The following PDILT variants were observed in gnomAD, a reference collection of about 807,000 sequenced individuals.
PDILT encodes the protein protein disulfide-isomerase-like protein of the testis.
PDILT carries 43 observed loss-of-function variants against 53.7 expected under a neutral mutation model. That is an observed-to-expected ratio of 0.80 (90% CI 0.63 to 1.03). The LOEUF (loss-of-function observed/expected upper bound fraction) is 1.03. PDILT is among the 50% of genes least tolerant of loss of function. PDILT has a pLI of 0.00. For missense variants in PDILT, 727 were observed against 712.3 expected, an observed-to-expected ratio of 1.02 and a Z score of -0.24; for synonymous variants, 282 against 274.2, an observed-to-expected ratio of 1.03 and a Z score of -0.28.
chr16:20,373,244 G>A lies in PDILT; in HGVS notation c.682-122C>T. ...AAAGCACTGAGGAATGGTATCAGGT[G>A]TAGTCTGTAATCTAGGTAGTTAATA... On this transcript the variant is annotated intron_variant, in intron 5 of 11. Transcript: ENST00000302451. 5 of 810,820 alleles carry A rather than the reference G, an allele frequency of 6.2e-6. 1 individual carries two copies. The highest frequency in any genetic ancestry group is 5.1e-5 in the South Asian group (3 of 58,784). 50.2% of individuals were successfully genotyped at this position (810,820 alleles called of 1,614,324 possible). A position where few individuals can be genotyped will look rare whatever the true frequency, so the allele number is the denominator to read the frequency against.
rs116282732 is a variant in PDILT, at chr16:20,363,905, C to T, written c.1238-1323G>A. On this transcript the variant is annotated intron_variant, in intron 9 of 11. Transcript: ENST00000302451. ...AGACCAGCTCCAACCCAAGGGAAAG[C>T]AAATCTTTCCTGCTTTCCTTCTACT... is the stretch of plus-strand genomic sequence containing the variant. 3.9e-3 allele frequency among the ~76,000 whole-genome samples: 593 copies of T among 152,254 alleles called. 6 individuals carry two copies. The highest frequency in any genetic ancestry group is 0.014 in the African/African-American group (567 of 41,536).
chr16:20,367,087 CTTTCTTTCTTTCTTT>C lies in PDILT; in HGVS notation c.1117-1562_1117-1548del, dbSNP rs1567320945. ...TCTTTCTTTCTTTCTTTCTTTCTTT[CTTTCTTTCTTTCTTT>C]CTTCCTTTCTTTCCTTTTGAGACAG... On this transcript the variant is annotated intron_variant, in intron 8 of 11. Coordinates refer to ENST00000302451, the MANE Select transcript of PDILT (RefSeq NM_174924.2). Among the ~76,000 whole-genome samples the C allele has an allele frequency of 4.1e-3, 420 of 103,432 alleles. 13 individuals carry two copies. The highest frequency in any genetic ancestry group is 0.014 in the African/African-American group (323 of 23,754). The allele number at this position is 103,432 out of a possible 152,430, so 67.9% of individuals were successfully genotyped here. A position where few individuals can be genotyped will look rare whatever the true frequency, so the allele number is the denominator to read the frequency against.
intron 4 of PDILT, among the ~76,000 whole-genome samples, chr16:20,375,650 G>C (rs909680335): frequency 6.6e-6 from 1 of 152,134 alleles, no homozygotes; most frequent in Non-Finnish European, 1.5e-5. Flanking sequence ...CTAAGGGTTG[G>C]TGTATTTTCG....
intron 7 of PDILT, among the ~76,000 whole-genome samples, chr16:20,371,664 C>A (rs1445922723): frequency 1.3e-5 from 2 of 152,046 alleles, no homozygotes; most frequent in Non-Finnish European, 2.9e-5. Flanking sequence ...AAACTTAGAA[C>A]TTCATCTTCT....
rs765339152 is a variant in PDILT at position 20,374,839 on chromosome 16, C to G, written c.664G>C (p.Val222Leu). 1 of 1,613,424 alleles carries G rather than the reference C, an allele frequency of 6.2e-7. No individual in the cohort carries two copies. The highest frequency in any genetic ancestry group is 1.3e-5 in the African/African-American group (1 of 74,888). Reference sequence around the variant, plus strand: ...AATCCTACCTTTTTGAACACCAGGACGCTGTCAAGGGTGACGTGGAAACGC... The same window carrying G: ...AATCCTACCTTTTTGAACACCAGGAGGCTGTCAAGGGTGACGTGGAAACGC... ...IGRFHVTLDSVLVFKKGKIVN... is the reference protein window; with the variant it reads ...IGRFHVTLDSLLVFKKGKIVN... The change falls in exon 5 of 12, where the codon GTC (valine) becomes CTC (leucine). Residue 222 changes from valine to leucine, a missense_variant. Transcript: ENST00000302451.
chr16:20,372,084 G>C (rs1187736370), intron 7 of PDILT, among the ~76,000 whole-genome samples: 1 of 152,004 alleles, frequency 6.6e-6, no homozygotes, highest in Non-Finnish European at 1.5e-5. Flanking sequence ...TAATCAACTA[G>C]CTTCCATAGT....
chr16:20,395,171 G>A (rs563877460), intron 2 of PDILT, among the ~76,000 whole-genome samples: 1 of 152,252 alleles, frequency 6.6e-6, no homozygotes, highest in South Asian at 2.1e-4. Flanking sequence ...GGCAAATACT[G>A]AGAATCAGCC....
At chr16:20,369,161 A>G (rs1966263400) in intron 8 of PDILT, among the ~76,000 whole-genome samples, 1 of 152,224 alleles carries the variant, frequency 6.6e-6, no homozygotes, top group Non-Finnish European at 1.5e-5. Flanking sequence ...GACCAAGTAG[A>G]TCTTTCACAT....
At chr16:20,384,032 T>C (rs1044548375) in intron 3 of PDILT, among the ~76,000 whole-genome samples, 1 of 152,226 alleles carries the variant, frequency 6.6e-6, no homozygotes, top group African/African-American at 2.4e-5. Context: ...AGGTGTTTGG[T>C]AGACATTGCA....
chr16:20,387,539 AC>A (rs1171806876), intron 2 of PDILT, among the ~76,000 whole-genome samples: 1 of 152,144 alleles, frequency 6.6e-6, no homozygotes, highest in Non-Finnish European at 1.5e-5. Flanking sequence ...ATAGACTTTG[AC>A]TTTTCCCAGA....
At position 20,384,891 on chromosome 16, in the gene PDILT, C is replaced by T. The variant is rs776344218; in HGVS notation, c.203-40G>A. ...AGACAAAATTTGAGAGGCCTTTCCT[C>T]GCTCCCCATCTCCAACAGTAGATTA... is the stretch of plus-strand genomic sequence containing the variant. On this transcript the variant is annotated intron_variant, in intron 2 of 11. Coordinates refer to ENST00000302451, the MANE Select transcript of PDILT (RefSeq NM_174924.2). 1.5e-5 allele frequency: 24 copies of T among 1,575,042 alleles called. No individual in the cohort carries two copies. The African/African-American group carries it at 2.0e-4, about 13-fold the overall frequency.
intron 1 of PDILT, among the ~76,000 whole-genome samples, chr16:20,404,079 T>C (rs1966783153): frequency 6.6e-6 from 1 of 152,226 alleles, no homozygotes; most frequent in Non-Finnish European, 1.5e-5. Context: ...CTTTTTAATG[T>C]AAATACCATT....
At position 20,359,208 on chromosome 16, in the gene PDILT, C is replaced by G; in HGVS notation, c.*111G>C. ...GAGGCTTTATTATCCACCCCTACCCCCGCCCCACCTACCCTACCACAATGA... is the reference window on the plus strand; with the variant it reads ...GAGGCTTTATTATCCACCCCTACCCGCGCCCCACCTACCCTACCACAATGA... On this transcript the variant is annotated 3_prime_UTR_variant, in exon 12 of 12. Coordinates refer to ENST00000302451, the MANE Select transcript of PDILT (RefSeq NM_174924.2). 6.6e-7 allele frequency: 1 copy of G among 1,506,178 alleles called. No homozygotes were observed. The highest frequency in any genetic ancestry group is 8.9e-7 in the Non-Finnish European group (1 of 1,126,588). The allele number at this position is 1,506,178 out of a possible 1,614,324, so 93.3% of individuals were successfully genotyped here. A position where few individuals can be genotyped will look rare whatever the true frequency, so the allele number is the denominator to read the frequency against.
At chr16:20,400,018 C>A (rs1332594075) in intron 1 of PDILT, among the ~76,000 whole-genome samples, 1 of 107,890 alleles carries the variant, frequency 9.3e-6, no homozygotes, top group African/African-American at 3.7e-5. Context: ...ATATCTCTAT[C>A]TATCTATCTA....
chr16:20,359,515 T>C lies in PDILT; in HGVS notation c.1559A>G (p.Glu520Gly). 6.2e-7 allele frequency: 1 copy of C among 1,614,120 alleles called. No homozygotes were observed. Residue 520 changes from glutamate to glycine, a missense_variant, in exon 12 of 12, where the codon GAA (glutamate) becomes GGA (glycine). Coordinates refer to ENST00000302451, the MANE Select transcript of PDILT (RefSeq NM_174924.2). Reference sequence around the variant, plus strand: ...TTTCCTCATCATAGGCACCTCCTTTTCCTCAGCTAGCACTTCCTCTTCTAT... The same window carrying C: ...TTTCCTCATCATAGGCACCTCCTTTCCCTCAGCTAGCACTTCCTCTTCTAT... Reference protein sequence around the residue: ...EVIEEEVLAEEKEVPMMRKGL... With the variant: ...EVIEEEVLAEGKEVPMMRKGL...
intron 9 of PDILT, 104 bp downstream of exon 9, chr16:20,365,316 G>A (rs1966173320): frequency 2.3e-6 from 3 of 1,290,186 alleles, no homozygotes; most frequent in Non-Finnish European, 3.3e-6. Flanking sequence ...TTGGCATGGT[G>A]CATTGATGGG....
At position 20,369,615 on chromosome 16, in the gene PDILT, G is replaced by A. The variant is rs144874720; in HGVS notation, c.993C>T (p.Val331=). The A allele has an allele frequency of 1.1e-5, 17 of 1,614,162 alleles. No homozygotes were observed. The highest frequency in any genetic ancestry group is 3.3e-4 in the Middle Eastern group (2 of 6,062). ...RVFKYFRVTE[V]DIPSVQILNL... is the part of the protein sequence containing the mutation. ...TTAGGATTTGGACGGATGGGATATC[G>A]ACCTCTGTGACCCGGAAGTACTTGA... The change falls in exon 8 of 12, where the codon GTC becomes GTT. Residue 331 remains valine (V), a synonymous_variant. Coordinates refer to ENST00000302451, the MANE Select transcript of PDILT (RefSeq NM_174924.2).
chr16:20,366,668 GAAGT>G (rs941393705), intron 8 of PDILT, among the ~76,000 whole-genome samples: 1 of 152,182 alleles, frequency 6.6e-6, no homozygotes, highest in Non-Finnish European at 1.5e-5. Context: ...GCTTCTTTTT[GAAGT>G]AAGTGTTGGA....
At chr16:20,392,706 G>GAGTT (rs1966619753) in intron 2 of PDILT, among the ~76,000 whole-genome samples, 1 of 152,188 alleles carries the variant, frequency 6.6e-6, no homozygotes, top group African/African-American at 2.4e-5. Context: ...TGCTGTTGTT[G>GAGTT]AGTTCACTGC....
Sources: gnomAD v4.1 joint callset for allele counts (sites outside exome capture counted in the v4.1 genomes callset) on GRCh38, gnomAD v4.1.1 for gene constraint, MANE v1.5 for transcripts, NCBI Gene and HGNC (gene_info 2026-07-23, HGNC 2026-07-21) for gene names.